The following ZSWIM5 variants were observed in gnomAD, a reference collection of about 807,000 sequenced individuals.
The protein encoded by ZSWIM5 is zinc finger SWIM domain-containing protein 5.
Under a neutral mutation model 119.6 loss-of-function variants are expected in ZSWIM5, and 55 were observed. The observed-to-expected ratio is 0.46, with a 90% CI of 0.37 to 0.58. The LOEUF (loss-of-function observed/expected upper bound fraction) is 0.58, where lower values mean the gene tolerates loss of function less well. ZSWIM5 is among the 20% of genes least tolerant of loss of function. ZSWIM5 has a pLI of 0.00. For missense variants in ZSWIM5, 1,193 were observed against 1,512.8 expected (o/e 0.79, Z 3.51); for synonymous variants, 537 against 606.9 (o/e 0.88, Z 1.69).
chr1:45,050,324 T>TC (rs1645082045), intron 5 of ZSWIM5, among the ~76,000 whole-genome samples: 1 of 152,164 alleles, frequency 6.6e-6, no homozygotes, highest in South Asian at 2.1e-4. Flanking sequence ...GCCACTGCAC[T>TC]CCAGCCTGGG....
At chr1:45,059,992 T>C in intron 3 of ZSWIM5, 107 bp downstream of exon 3, 2 of 1,358,670 alleles carry the variant, frequency 1.5e-6, no homozygotes. Context: ...AGTTCAGCTA[T>C]GTCAAGTGAG....
chr1:45,035,417 C>T (rs1201884354), intron 10 of ZSWIM5, among the ~76,000 whole-genome samples: 2 of 152,152 alleles, frequency 1.3e-5, no homozygotes, highest in Non-Finnish European at 2.9e-5. Context: ...CAGGAAGACT[C>T]AGGTCTTAAG....
chr1:45,186,735 G>A (rs1570198885), intron 1 of ZSWIM5, among the ~76,000 whole-genome samples: 1 of 152,024 alleles, frequency 6.6e-6, no homozygotes, highest in Non-Finnish European at 1.5e-5. Flanking sequence ...GATTACAGGC[G>A]TGCACCACCA....
At chr1:45,059,768 G>A (rs1184224631) in intron 3 of ZSWIM5, among the ~76,000 whole-genome samples, 1 of 152,188 alleles carries the variant, frequency 6.6e-6, no homozygotes. Context: ...AGTGTCTTTA[G>A]GAACAATGTT....
intron 11 of ZSWIM5, among the ~76,000 whole-genome samples, chr1:45,023,485 A>C (rs1569983850): frequency 7.6e-6 from 1 of 132,134 alleles, no homozygotes. Flanking sequence ...CAGAGTTTAC[A>C]CCCAAAACTT....
rs900841410 is a variant in ZSWIM5, at chr1:45,043,294, C to T, written c.1534G>A (p.Val512Ile). The change falls in exon 6 of 14, where the codon GTT (valine) becomes ATT (isoleucine). Residue 512 changes from valine (V) to isoleucine (I), a missense_variant. Transcript: ENST00000359600. ...CGCTGGCAGGCAGGAGCTGTATAAA[C>T]ATCACTGCTGATTATTCGCTGTAGG... The part of the protein sequence containing the change: ...SHLQRIISSD[V>I]YTAPACQRES... The T allele has an allele frequency of 2.5e-6, 4 of 1,614,192 alleles. No individual in the cohort carries two copies. Among genetic ancestry groups the T allele is most frequent in the Non-Finnish European group, 3.4e-6 (4 of 1,180,044 alleles).
chr1:45,040,461 C>A lies in ZSWIM5; in HGVS notation c.1687G>T (p.Val563Leu). The A allele has an allele frequency of 2.5e-6, 4 of 1,612,420 alleles. No individual in the cohort carries two copies. The highest frequency in any genetic ancestry group is 2.5e-6 in the Non-Finnish European group (3 of 1,179,280). Residue 563 changes from valine to leucine, a missense_variant, in exon 7 of 14, where the codon GTG becomes TTG. This residue lies in a region of ZSWIM5 where 961 missense variants were observed against 1,290.0 expected (regional missense o/e 0.74). Transcript: ENST00000359600. The part of the protein sequence containing the change: ...GYPKEALRLT[V>L]AIINTLRLQQ... ...AACCTCAGAGTATTAATAATGGCCA[C>A]TGTGAGTCTGAGGGCCTCTTTTGGA...
At chr1:45,095,234 C>T (rs754308461) in intron 1 of ZSWIM5, among the ~76,000 whole-genome samples, 1 of 151,716 alleles carries the variant, frequency 6.6e-6, no homozygotes, top group Non-Finnish European at 1.5e-5. Flanking sequence ...CTCAAGTGAA[C>T]CTCCCACCTC....
At chr1:45,162,448 A>G (rs1049932880) in intron 1 of ZSWIM5, among the ~76,000 whole-genome samples, 11 of 152,186 alleles carry the variant, frequency 7.2e-5, no homozygotes, top group African/African-American at 2.2e-4. Context: ...CAACTGAGGT[A>G]CCGGGTTCAT....
At chr1:45,166,447 T>G (rs923060610) in intron 1 of ZSWIM5, among the ~76,000 whole-genome samples, 1 of 151,996 alleles carries the variant, frequency 6.6e-6, no homozygotes, top group Non-Finnish European at 1.5e-5. Flanking sequence ...CTATTCAACA[T>G]AGTGTTGGAA....
intron 1 of ZSWIM5, among the ~76,000 whole-genome samples, chr1:45,202,444 T>C (rs1227203576): frequency 1.3e-5 from 2 of 152,106 alleles, no homozygotes; most frequent in African/African-American, 2.4e-5. Flanking sequence ...TATATTTCCA[T>C]TATTGACTTT....
At chr1:45,090,628 TAAAATAAAATAAAATA>T (rs1010006254) in intron 1 of ZSWIM5, among the ~76,000 whole-genome samples, 109 of 151,528 alleles carry the variant, frequency 7.2e-4, no homozygotes, top group Admixed American at 1.1e-3. Flanking sequence ...CACAGTAAGG[TAAAATAAAATAAAATA>T]AAAATAAAAT....
At chr1:45,160,304 T>C (rs964281606) in intron 1 of ZSWIM5, among the ~76,000 whole-genome samples, 3 of 152,208 alleles carry the variant, frequency 2.0e-5, no homozygotes, top group Non-Finnish European at 2.9e-5. Flanking sequence ...GTTGGTAACA[T>C]TTCAAGTCCT....
chr1:45,109,461 C>T (rs569946309), intron 1 of ZSWIM5, among the ~76,000 whole-genome samples: 6 of 152,152 alleles, frequency 3.9e-5, no homozygotes, highest in African/African-American at 1.4e-4. Context: ...GAAGGTTATT[C>T]CTGGCTAGAC....
chr1:45,075,973 T>A (rs561167262), intron 2 of ZSWIM5, among the ~76,000 whole-genome samples: 2 of 151,610 alleles, frequency 1.3e-5, no homozygotes, highest in Non-Finnish European at 2.9e-5. Flanking sequence ...ACTGTTTAAA[T>A]AAGCAAACAA....
intron 4 of ZSWIM5, among the ~76,000 whole-genome samples, chr1:45,054,810 A>G (rs1455353724): frequency 6.6e-6 from 1 of 152,134 alleles, no homozygotes; most frequent in Non-Finnish European, 1.5e-5. Context: ...AAAATAGGGA[A>G]TCAAGGATAA....
intron 2 of ZSWIM5, among the ~76,000 whole-genome samples, chr1:45,071,722 G>A (rs1645223419): frequency 6.6e-6 from 1 of 152,046 alleles, no homozygotes; most frequent in Non-Finnish European, 1.5e-5. Flanking sequence ...ACCTCCCAAA[G>A]TGCTAGGACT....
intron 1 of ZSWIM5, among the ~76,000 whole-genome samples, chr1:45,119,670 C>T (rs1186076219): frequency 6.6e-6 from 1 of 152,162 alleles, no homozygotes; most frequent in African/African-American, 2.4e-5. Flanking sequence ...TTTCACTCAT[C>T]GTCAGTAGCT....
At chr1:45,059,271 C>T (rs1015292106) in intron 3 of ZSWIM5, among the ~76,000 whole-genome samples, 4 of 152,050 alleles carry the variant, frequency 2.6e-5, no homozygotes, top group South Asian at 2.1e-4. Context: ...ATAAATAAAA[C>T]GTAGGGTATC....
Sources: allele counts gnomAD v4.1 joint callset (sites outside exome capture counted in the v4.1 genomes callset), GRCh38; gene constraint gnomAD v4.1.1; regional missense constraint gnomAD v4.1.1; transcripts MANE v1.5; gene names NCBI Gene and HGNC (gene_info 2026-07-23, HGNC 2026-07-21).